The following DOCK7 variants were observed in gnomAD, a reference collection of about 807,000 sequenced individuals.
The protein encoded by DOCK7 is dedicator of cytokinesis protein 7.
Under a neutral mutation model 271.0 loss-of-function variants are expected in DOCK7, and 138 were observed. The ratio of observed to expected loss-of-function variants is 0.51; its 90% CI spans 0.44 to 0.59. The LOEUF is 0.59. DOCK7 is among the 20% of genes least tolerant of loss of function. DOCK7 has a pLI of 0.00. For missense variants in DOCK7, 2,066 were observed against 2,592.4 expected (o/e 0.80, Z 4.41); for synonymous variants, 823 against 876.1 (o/e 0.94, Z 1.07).
intron 14 of DOCK7, among the ~76,000 whole-genome samples, chr1:62,612,112 T>C (rs1415508701): frequency 1.3e-5 from 2 of 152,040 alleles, no homozygotes; most frequent in African/African-American, 2.4e-5. Flanking sequence ...ACCAAGATCA[T>C]GCCACTGTAT....
chr1:62,603,083 CT>C lies in DOCK7; in HGVS notation c.1682+15622del, dbSNP rs561542994. 1.8e-3 allele frequency among the ~76,000 whole-genome samples: 268 copies of C among 151,806 alleles called. 2 individuals are homozygous for C. Among genetic ancestry groups the C allele is most frequent in the African/African-American group, 5.9e-3 (243 of 41,532 alleles). On this transcript the variant is annotated intron_variant, in intron 14 of 49. Coordinates refer to ENST00000635253, the MANE Select transcript of DOCK7 (RefSeq NM_001367561.1). ...ACCATTTAAAAATTTTGTATTCAAA[CT>C]ACCAGTGAAAGCCCTACCTAGAAGG...
chr1:62,556,781 C>T (rs1446262777), intron 20 of DOCK7, among the ~76,000 whole-genome samples: 2 of 152,108 alleles, frequency 1.3e-5, no homozygotes, highest in East Asian at 3.9e-4. Context: ...ATTAAGTTTT[C>T]CCAAAAGTAG....
chr1:62,660,526 G>A lies in DOCK7; in HGVS notation c.144+2499C>T, dbSNP rs115590625. Among the ~76,000 whole-genome samples, 1,113 of 152,234 alleles carry A rather than the reference G, an allele frequency of 7.3e-3. 10 individuals are homozygous for A. The highest frequency in any genetic ancestry group is 0.025 in the African/African-American group (1,034 of 41,536). On this transcript the variant is annotated intron_variant, in intron 2 of 49. Coordinates refer to ENST00000635253, the MANE Select transcript of DOCK7 (RefSeq NM_001367561.1). ...GAAATTTGAACCCTTGTGCATTGAC[G>A]GTGGAAATGTAAAATGATACAGTTG...
At chr1:62,543,390 T>C in intron 24 of DOCK7, 1 of 260,210 alleles carries the variant, frequency 3.8e-6, no homozygotes, top group African/African-American at 2.2e-5. Flanking sequence ...ATTTTTTTGG[T>C]ACTAAAATTT....
At position 62,513,862 on chromosome 1, in the gene DOCK7, T is replaced by C; in HGVS notation, c.3973A>G (p.Ser1325Gly). 1.2e-6 allele frequency: 2 copies of C among 1,613,996 alleles called. No homozygotes were observed. Among genetic ancestry groups the C allele is most frequent in the African/African-American group, 1.3e-5 (1 of 75,066 alleles). ...AGTAGACAGATCAAAAGGCTTCGAC[T>C]TGATTCTGCTGAAAAGGTAGTGTGT... ...RQHTTFSAES[S>G]RSLLICLLWV... The change falls in exon 32 of 50, where the codon AGT becomes GGT. Residue 1325 changes from serine to glycine, a missense_variant. This residue lies in a region of DOCK7 where 1,414 missense variants were observed against 1,670.4 expected (regional missense o/e 0.85). Transcript: ENST00000635253.
chr1:62,568,599 C>T (rs1275385441), intron 18 of DOCK7, among the ~76,000 whole-genome samples: 1 of 142,304 alleles, frequency 7.0e-6, no homozygotes, highest in Non-Finnish European at 1.5e-5. Flanking sequence ...GCCACTGTGC[C>T]CTGCCTAAAA....
At chr1:62,606,453 G>A (rs1454888509) in intron 14 of DOCK7, among the ~76,000 whole-genome samples, 2 of 151,992 alleles carry the variant, frequency 1.3e-5, no homozygotes, top group African/African-American at 4.8e-5. Flanking sequence ...GCTCTTTATG[G>A]TTCACACGAC....
intron 7 of DOCK7, among the ~76,000 whole-genome samples, chr1:62,645,874 G>A (rs545002604): frequency 6.6e-5 from 10 of 152,214 alleles, no homozygotes; most frequent in Non-Finnish European, 8.8e-5. Context: ...TCGGCCAGGC[G>A]TGGTGGCTCA....
At chr1:62,536,181 C>T (rs1645340287) in intron 28 of DOCK7, among the ~76,000 whole-genome samples, 1 of 151,996 alleles carries the variant, frequency 6.6e-6, no homozygotes, top group South Asian at 2.1e-4. Flanking sequence ...ATATTCAGGA[C>T]TCATGTGGGG....
intron 48 of DOCK7, 111 bp from the exon 49 acceptor site, chr1:62,457,816 A>G: frequency 9.9e-7 from 1 of 1,009,992 alleles, no homozygotes. Flanking sequence ...ATGACACACA[A>G]CACAGACTAT....
chr1:62,476,820 T>C (rs1044718761), intron 44 of DOCK7, among the ~76,000 whole-genome samples: 1 of 152,178 alleles, frequency 6.6e-6, no homozygotes, highest in African/African-American at 2.4e-5. Context: ...TATAATTGAG[T>C]AAGTCTCAAT....
intron 22 of DOCK7, among the ~76,000 whole-genome samples, chr1:62,545,722 A>T (rs1163451030): frequency 6.6e-6 from 1 of 152,126 alleles, no homozygotes; most frequent in Non-Finnish European, 1.5e-5. Flanking sequence ...CTTCATCATC[A>T]TCTTCATTAA....
intron 1 of DOCK7, among the ~76,000 whole-genome samples, chr1:62,687,031 C>T (rs562809252): frequency 6.6e-6 from 1 of 152,212 alleles, no homozygotes; most frequent in South Asian, 2.1e-4. Context: ...CCTCCTGCCT[C>T]GGCCTCCCAA....
chr1:62,605,560 T>C (rs1253581434), intron 14 of DOCK7: 2 of 152,410 alleles, frequency 1.3e-5, no homozygotes, highest in Admixed American at 1.3e-4. Context: ...CTTAATACTA[T>C]GAAAACAAAT....
chr1:62,515,665 AG>A (rs1644640151), intron 31 of DOCK7, among the ~76,000 whole-genome samples: 1 of 152,202 alleles, frequency 6.6e-6, no homozygotes, highest in Non-Finnish European at 1.5e-5. Flanking sequence ...ATTGTTCTAT[AG>A]GATCAGTGCA....
At chr1:62,489,559 G>GT (rs745769123) in intron 41 of DOCK7, among the ~76,000 whole-genome samples, 3 of 152,140 alleles carry the variant, frequency 2.0e-5, no homozygotes, top group Non-Finnish European at 4.4e-5. Flanking sequence ...ATTTTCCAGT[G>GT]TATCTTCTCC....
In DOCK7 at chr1:62,688,282, C is replaced by T. The variant is rs4344355; in HGVS notation, c.-18G>A. ...TCGGCCATGGCTGCTGCGGCGACGG[C>T]GACGGCGGCGGCGGCTGCGGCGGGC... On this transcript the variant is annotated 5_prime_UTR_variant, in exon 1 of 50. Transcript: ENST00000635253. 0.34 allele frequency: 435,257 copies of T among 1,275,242 alleles called. 76,016 individuals are homozygous for T. The highest frequency in any genetic ancestry group is 0.47 in the South Asian group (18,108 of 38,646). The allele number at this position is 1,275,242 out of a possible 1,614,324, so 79.0% of individuals were successfully genotyped here.
chr1:62,627,735 A>G (rs913918298), intron 11 of DOCK7: 1 of 152,180 alleles, frequency 6.6e-6, no homozygotes, highest in African/African-American at 2.4e-5. Context: ...AATGAAAAAG[A>G]TTTAAATAAA....
rs375313449 is a variant in DOCK7 at position 62,509,875 on chromosome 1, C to A, written c.4379+702G>T. Among the ~76,000 whole-genome samples, 5 of 152,226 alleles carry A rather than the reference C, an allele frequency of 3.3e-5. No homozygotes were observed. The East Asian group carries it at 9.7e-4, about 29-fold the overall frequency. ...TCAATCATCTTGGTTTGCCTTAGGA[C>A]AGGACTAAAGGGCTCCCTGGGATGT... is the stretch of plus-strand genomic sequence containing the variant. On this transcript the variant is annotated intron_variant, in intron 34 of 49. Transcript: ENST00000635253.
Sources: gnomAD v4.1 joint callset for allele counts (sites outside exome capture counted in the v4.1 genomes callset) on GRCh38, gnomAD v4.1.1 for gene constraint, gnomAD v4.1.1 regional missense constraint, MANE v1.5 for transcripts, NCBI Gene and HGNC (gene_info 2026-07-23, HGNC 2026-07-21) for gene names.